The following RANBP2 variants were observed in gnomAD, a reference collection of about 807,000 sequenced individuals.
RANBP2 encodes E3 SUMO-protein ligase RanBP2.
Under a neutral mutation model 303.6 loss-of-function variants are expected in RANBP2, and 57 were observed. That is an observed-to-expected ratio of 0.19 (90% CI 0.15 to 0.23). The LOEUF is 0.23. Among genes scored for constraint, RANBP2 ranks in the 10% least tolerant of loss-of-function variants. The probability of loss-of-function intolerance (pLI) is 1.00; values close to 1 mark genes in which losing one functional copy is unlikely to be tolerated. For missense variants in RANBP2, 3,138 were observed against 3,780.8 expected, an observed-to-expected ratio of 0.83 and a Z score of 4.46; for synonymous variants, 1,167 against 1,301.5, an observed-to-expected ratio of 0.90 and a Z score of 2.23.
chr2:109,078,100 A>ATATATATATATGGCG, the RANBP2 span, among the ~76,000 whole-genome samples: 4,781 of 69,838 alleles, frequency 0.068, 540 homozygotes, highest in Non-Finnish European at 0.11. Context: ...ATATATATAT[A>ATATATATATATGGCG]TATATATATA....
the RANBP2 span, among the ~76,000 whole-genome samples, chr2:108,970,494 G>C: frequency 2.3e-4 from 35 of 152,270 alleles, no homozygotes; most frequent in African/African-American, 7.9e-4. Context: ...AGGACACTGA[G>C]TGGAGATGGT....
At chr2:108,798,545 G>T in the RANBP2 span, 372 of 1,613,364 alleles carry the variant, frequency 2.3e-4, no homozygotes, top group Non-Finnish European at 3.0e-4. Context: ...AATTAAAGGT[G>T]TTGAAGAAGA....
At chr2:109,656,890 A>C in the RANBP2 span, among the ~76,000 whole-genome samples, 2 of 152,346 alleles carry the variant, frequency 1.3e-5, no homozygotes, top group African/African-American at 4.8e-5. Flanking sequence ...AGATGATGAA[A>C]ATAATTTAGA....
chr2:109,758,391 G>C, the RANBP2 span, among the ~76,000 whole-genome samples: 96 of 108,658 alleles, frequency 8.8e-4, no homozygotes, highest in African/African-American at 3.2e-3. Flanking sequence ...CTGGGTGACA[G>C]AGCAGGATTC....
chr2:109,376,977 A>G, the RANBP2 span, among the ~76,000 whole-genome samples: 1 of 152,260 alleles, frequency 6.6e-6, no homozygotes, highest in Non-Finnish European at 1.5e-5. Context: ...CTGTCCCGGC[A>G]GCCAGCACAT....
chr2:109,373,158 C>G, the RANBP2 span, among the ~76,000 whole-genome samples: 133 of 152,330 alleles, frequency 8.7e-4, 3 homozygotes, highest in Admixed American at 8.4e-3. Flanking sequence ...CACATCTGCC[C>G]TCAACACTTC....
the RANBP2 span, among the ~76,000 whole-genome samples, chr2:108,846,365 A>G: frequency 1.3e-5 from 2 of 152,178 alleles, no homozygotes; most frequent in African/African-American, 2.4e-5. Flanking sequence ...TTTAATACAT[A>G]TATTTGATTT....
chr2:109,059,976 A>C, the RANBP2 span, among the ~76,000 whole-genome samples: 1 of 151,972 alleles, frequency 6.6e-6, no homozygotes, highest in African/African-American at 2.4e-5. Context: ...GAGCTCCCAG[A>C]TTCTCCTTCC....
At position 108,764,957 on chromosome 2, in the gene RANBP2, G is replaced by A. The variant is rs772319457; in HGVS notation, c.4418G>A (p.Arg1473Lys). The A allele has an allele frequency of 2.5e-6, 4 of 1,613,904 alleles. No homozygotes were observed. The highest frequency in any genetic ancestry group is 3.4e-6 in the Non-Finnish European group (4 of 1,179,958). The change falls in exon 20 of 29, where the codon AGA (arginine) becomes AAA (lysine). Residue 1473 changes from arginine to lysine, a missense_variant. Coordinates refer to ENST00000283195, the MANE Select transcript of RANBP2 (RefSeq NM_006267.5). ...CCTAAACCTATTAACAGTGATTTCAGATCTGTTTTTTCTACAAAGGAAGGA... is the reference window on the plus strand; with the variant it reads ...CCTAAACCTATTAACAGTGATTTCAAATCTGTTTTTTCTACAAAGGAAGGA... ...DLPKPINSDF[R>K]SVFSTKEGQW...
At chr2:109,631,524 G>A in the RANBP2 span, among the ~76,000 whole-genome samples, 4 of 152,160 alleles carry the variant, frequency 2.6e-5, no homozygotes, top group South Asian at 2.1e-4. Flanking sequence ...GGAAGGCCAA[G>A]GTGGGCAGAT....
the RANBP2 span, among the ~76,000 whole-genome samples, chr2:109,245,992 C>A: frequency 6.6e-6 from 1 of 152,160 alleles, no homozygotes; most frequent in African/African-American, 2.4e-5. Context: ...TCACAAAAAA[C>A]CAGTGTGGTG....
Position 108,724,986 on chromosome 2 carries a change from C to G in RANBP2, c.73-4146C>G, listed in dbSNP as rs1234731836. Among the ~76,000 whole-genome samples, 5 of 152,058 alleles carry G rather than the reference C, an allele frequency of 3.3e-5. No individual in the cohort carries two copies. The East Asian group carries it at 9.6e-4, about 29-fold the overall frequency. ...TCTGAATTAAAAAAAAAATTTAGAA[C>G]TGCATAGTGAAAAAGTAGGCCACAA... On this transcript the variant is annotated intron_variant, in intron 1 of 28. Transcript: ENST00000283195.
At chr2:109,485,280 G>T in the RANBP2 span, among the ~76,000 whole-genome samples, 1 of 152,208 alleles carries the variant, frequency 6.6e-6, no homozygotes, top group Non-Finnish European at 1.5e-5. Flanking sequence ...AATCAAGAAG[G>T]TAACTGAATA....
chr2:108,878,881 A>G, the RANBP2 span, among the ~76,000 whole-genome samples: 3 of 152,252 alleles, frequency 2.0e-5, no homozygotes, highest in Non-Finnish European at 2.9e-5. Context: ...TTTGGAAAAT[A>G]TCAAGGAAAC....
the RANBP2 span, chr2:109,545,565 CA>C: frequency 6.5e-7 from 1 of 1,535,498 alleles, no homozygotes; most frequent in Non-Finnish European, 8.7e-7. Flanking sequence ...AAAATTCTCA[CA>C]AAATCAGTAT....
chr2:109,088,378 CAG>C, the RANBP2 span, among the ~76,000 whole-genome samples: 2 of 109,536 alleles, frequency 1.8e-5, no homozygotes, highest in East Asian at 5.2e-4. Context: ...GCCTGGGTGA[CAG>C]AGCAAGATTC....
chr2:109,115,883 T>C, the RANBP2 span, among the ~76,000 whole-genome samples: 1 of 146,184 alleles, frequency 6.8e-6, no homozygotes, highest in African/African-American at 2.5e-5. Context: ...TTATCCTTCA[T>C]TTATGAAGCT....
At chr2:109,516,150 A>C in the RANBP2 span, among the ~76,000 whole-genome samples, 12,915 of 151,996 alleles carry the variant, frequency 0.085, 1,026 homozygotes, top group East Asian at 0.24. Flanking sequence ...GAGCCCCCAG[A>C]CACCCTTGAG....
At chr2:109,486,562 T>C in the RANBP2 span, among the ~76,000 whole-genome samples, 1 of 152,216 alleles carries the variant, frequency 6.6e-6, no homozygotes, top group Non-Finnish European at 1.5e-5. Context: ...GCATTAGTCC[T>C]TTAAAAGCGC....
Sources: allele counts gnomAD v4.1 joint callset (sites outside exome capture counted in the v4.1 genomes callset), GRCh38; gene constraint gnomAD v4.1.1; transcripts MANE v1.5; gene names NCBI Gene and HGNC (gene_info 2026-07-23, HGNC 2026-07-21).